Variants in CEP295 observed in about 807,000 individuals in gnomAD.
CEP295 encodes the protein centrosomal protein of 295 kDa.
Under a neutral mutation model 291.6 loss-of-function variants are expected in CEP295, and 190 were observed. The ratio of observed to expected loss-of-function variants is 0.65; its 90% CI spans 0.58 to 0.73. CEP295 has a LOEUF of 0.73. CEP295 is among the 30% of genes least tolerant of loss of function. CEP295 has a pLI of 0.00. For missense variants in CEP295, 2,863 were observed against 2,949.4 expected, an observed-to-expected ratio of 0.97 and a Z score of 0.68; for synonymous variants, 993 against 1,038.8, an observed-to-expected ratio of 0.96 and a Z score of 0.85.
In CEP295 at chr11:93,699,034, A is replaced by G. The variant is rs1369494019; in HGVS notation, c.4122A>G (p.Glu1374=). 6 of 1,546,652 alleles carry G rather than the reference A, an allele frequency of 3.9e-6. No individual in the cohort carries two copies. The highest frequency in any genetic ancestry group is 5.2e-6 in the Non-Finnish European group (6 of 1,147,048). ...AIILARQEAR[E]ELLLHQSEWE... is the part of the protein sequence containing the mutation. ...TTCTAGCTAGACAAGAAGCTCGGGA[A>G]GAATTACTTTTACATCAGAGTGAAT... The change falls in exon 15 of 30, where the codon GAA becomes GAG. Residue 1374 remains glutamate (E), a synonymous_variant. Transcript: ENST00000325212.
chr11:93,688,439 G>A (rs1156686271), intron 10 of CEP295, among the ~76,000 whole-genome samples: 1 of 152,112 alleles, frequency 6.6e-6, no homozygotes, highest in Non-Finnish European at 1.5e-5. Context: ...GATTGGATTT[G>A]TATAGAAATG....
At chr11:93,705,787 G>A (rs934434051) in intron 17 of CEP295, among the ~76,000 whole-genome samples, 1 of 152,212 alleles carries the variant, frequency 6.6e-6, no homozygotes, top group African/African-American at 2.4e-5. Context: ...CTCTTGGGGT[G>A]AGGGGCTATA....
At chr11:93,729,261 C>A (rs1337576798) in intron 25 of CEP295, 173 bp from the exon 26 acceptor site, 2 of 618,860 alleles carry the variant, frequency 3.2e-6, no homozygotes, top group African/African-American at 3.7e-5. Flanking sequence ...AAGGCAAAAC[C>A]CAATCCCTAC....
In CEP295 at chr11:93,683,704, T is replaced by C. The variant is rs1277186288; in HGVS notation, c.911T>C (p.Leu304Ser). ...ATGAAAGAAGACTGGCAGAGAGAAT[T>C]GGAATTTGCCTTTGAAGATATGTAC... ...SEMKEDWQRELEFAFEDMYNA... is the reference protein window; with the variant it reads ...SEMKEDWQRESEFAFEDMYNA... The change falls in exon 8 of 30, where the codon TTG (leucine) becomes TCG (serine). Residue 304 changes from leucine to serine, a missense_variant. Leu to Ser is a moderately radical substitution (Grantham distance 145). Coordinates refer to ENST00000325212, the MANE Select transcript of CEP295 (RefSeq NM_033395.2). The C allele has an allele frequency of 6.5e-7, 1 of 1,546,466 alleles. No homozygotes were observed. Among genetic ancestry groups the C allele is most frequent in the African/African-American group, 1.4e-5 (1 of 72,670 alleles).
rs1360692455 is a variant in CEP295, at chr11:93,679,525, A to T, written c.738A>T (p.Gln246His). The T allele has an allele frequency of 4.6e-5, 71 of 1,551,332 alleles. No homozygotes were observed. Among genetic ancestry groups the T allele is most frequent in the Non-Finnish European group, 6.2e-5 (71 of 1,146,854 alleles). ...AAAAGGCACATGTACGGGGATTCCA[A>T]GCAATGAAGAAGATCCATTTGGCTC... The part of the protein sequence containing the change: ...RFEKAHVRGF[Q>H]AMKKIHLAQN... The change falls in exon 7 of 30, where the codon CAA becomes CAT. Residue 246 changes from glutamine to histidine, a missense_variant. Gln to His is a conservative substitution (Grantham distance 24). Transcript: ENST00000325212.
In CEP295 at chr11:93,706,836, G is replaced by A. The variant is rs1308785348; in HGVS notation, c.5688G>A (p.Pro1896=). Residue 1896 remains proline (P), a synonymous_variant, in exon 18 of 30, where the codon CCG becomes CCA. Transcript: ENST00000325212. The stretch of plus-strand genomic sequence containing the variant: ...TTGGGAGCCCACTGGCCCATGATCC[G>A]TTTAGTTGTCTTCAACTGGTTGGCC... ...SFFGSPLAHD[P]FSCLQLVGQE... 35 of 1,549,340 alleles carry A rather than the reference G, an allele frequency of 2.3e-5. No individual in the cohort carries two copies. The highest frequency in any genetic ancestry group is 4.9e-5 in the East Asian group (2 of 40,832).
Position 93,685,575 on chromosome 11 carries a change from T to A in CEP295, c.1114+1447T>A, listed in dbSNP as rs146285056. On this transcript the variant is annotated intron_variant, in intron 9 of 29. Transcript: ENST00000325212. ...GCAGCAGCTTAAGGTTACTGTGTTT[T>A]GACTTTGGCATAAGCTTAGCAGAAG... Among the ~76,000 whole-genome samples, 542 of 152,382 alleles carry A rather than the reference T, an allele frequency of 3.6e-3. 3 individuals are homozygous for A. Among genetic ancestry groups the A allele is most frequent in the Admixed American group, 6.5e-3 (99 of 15,312 alleles).
intron 1 of CEP295, among the ~76,000 whole-genome samples, chr11:93,664,488 T>C (rs1300256168): frequency 6.6e-6 from 1 of 152,200 alleles, no homozygotes; most frequent in Non-Finnish European, 1.5e-5. Context: ...GAATATTAGA[T>C]GAGTAGGATG....
intron 18 of CEP295, among the ~76,000 whole-genome samples, chr11:93,708,849 G>A (rs1356421787): frequency 6.6e-6 from 1 of 152,126 alleles, no homozygotes; most frequent in Non-Finnish European, 1.5e-5. Flanking sequence ...AACTGGACTG[G>A]CAGGATATCT....
At chr11:93,680,149 C>T (rs1391126998) in intron 7 of CEP295, among the ~76,000 whole-genome samples, 2 of 151,930 alleles carry the variant, frequency 1.3e-5, no homozygotes, top group African/African-American at 2.4e-5. Flanking sequence ...TGGTGGTGTG[C>T]GGCTGTAGTC....
chr11:93,684,046 C>T lies in CEP295; in HGVS notation c.1032C>T (p.Asp344=), dbSNP rs778136909. 58 of 1,551,646 alleles carry T rather than the reference C, an allele frequency of 3.7e-5. No individual in the cohort carries two copies. In the African/African-American group the frequency reaches 6.4e-4, roughly 17 times the overall value. The change falls in exon 9 of 30, where the codon GAC becomes GAT. Residue 344 remains aspartate, a synonymous_variant. Coordinates refer to ENST00000325212, the MANE Select transcript of CEP295 (RefSeq NM_033395.2). ...VTNQIQDEEL[D]LSMEQENLGA... ...ATCAGATCCAAGATGAAGAGCTGGA[C>T]CTTTCAATGGAACAAGAAAATTTGG...
intron 5 of CEP295, among the ~76,000 whole-genome samples, chr11:93,670,807 C>A (rs1189100128): frequency 6.6e-6 from 1 of 152,078 alleles, no homozygotes; most frequent in Non-Finnish European, 1.5e-5. Context: ...AAGCCAAAGT[C>A]AAAAATTTAT....
At chr11:93,683,444 A>G (rs1951071991) in intron 7 of CEP295, 115 bp from the exon 8 acceptor site, 3 of 686,774 alleles carry the variant, frequency 4.4e-6, no homozygotes, top group Non-Finnish European at 7.1e-6. Flanking sequence ...AACAAATAAT[A>G]GAGGAGAGGA....
Position 93,723,131 on chromosome 11 carries a change from C to T in CEP295, c.6038C>T (p.Ser2013Leu), listed in dbSNP as rs777527819. ...ETNIISSIVP[S>L]TQDIYQRQNS... ...AATATTATAAGTTCCATAGTTCCTT[C>T]AACACAAGATATTTATCAGCGGCAG... is the stretch of plus-strand genomic sequence containing the variant. The change falls in exon 21 of 30, where the codon TCA becomes TTA. Residue 2013 changes from serine to leucine, a missense_variant. Ser to Leu is a moderately radical substitution (Grantham distance 145). This residue lies in a region of CEP295 where 2,295 missense variants were observed against 2,335.7 expected (regional missense o/e 0.98). Transcript: ENST00000325212. The T allele has an allele frequency of 8.2e-5, 127 of 1,551,852 alleles. 1 individual carries two copies. Among genetic ancestry groups the T allele is most frequent in the Middle Eastern group, 3.3e-4 (2 of 6,014 alleles).
intron 17 of CEP295, among the ~76,000 whole-genome samples, chr11:93,703,413 G>A (rs1031890873): frequency 6.6e-6 from 1 of 151,918 alleles, no homozygotes; most frequent in African/African-American, 2.4e-5. Context: ...AAGGAAATGT[G>A]GCATTGGTAA....
intron 21 of CEP295, chr11:93,723,539 C>T (rs1461226414): frequency 2.7e-5 from 9 of 328,742 alleles, no homozygotes; most frequent in African/African-American, 6.5e-5. Context: ...TTAGCTATTA[C>T]GGCTGAGGCG....
In CEP295 at chr11:93,691,970, A is replaced by G. The variant is rs1193529382; in HGVS notation, c.1473A>G (p.Ser491=). The G allele has an allele frequency of 1.3e-6, 2 of 1,546,680 alleles. No individual in the cohort carries two copies. Among genetic ancestry groups the G allele is most frequent in the African/African-American group, 1.4e-5 (1 of 72,978 alleles). ...CTATCACAACTGTAGCTCAGAGTTC[A>G]GTTCTACTTCATCCTCAAGAAGCAG... ...TLPITTVAQS[S]VLLHPQEAAA... is the part of the protein sequence containing the mutation. Residue 491 remains serine (S), a synonymous_variant, in exon 12 of 30, where the codon TCA becomes TCG. Transcript: ENST00000325212.
intron 18 of CEP295, among the ~76,000 whole-genome samples, chr11:93,717,162 A>C (rs557148484): frequency 4.5e-4 from 69 of 152,100 alleles, no homozygotes; most frequent in African/African-American, 1.6e-3. Context: ...TTTTTCTTTA[A>C]TTTCCCGCCT....
intron 1 of CEP295, among the ~76,000 whole-genome samples, chr11:93,663,461 T>G (rs536226610): frequency 6.6e-6 from 1 of 152,368 alleles, no homozygotes; most frequent in South Asian, 2.1e-4. Flanking sequence ...CAGCAACAAA[T>G]GCAATGTGTT....
Sources: allele counts gnomAD v4.1 joint callset (sites outside exome capture counted in the v4.1 genomes callset), GRCh38; gene constraint gnomAD v4.1.1; regional missense constraint gnomAD v4.1.1; transcripts MANE v1.5; gene names NCBI Gene and HGNC (gene_info 2026-07-23, HGNC 2026-07-21).